TEK: variants seen among roughly 807,000 people sequenced by gnomAD.
TEK encodes the protein TEK receptor tyrosine kinase.
A neutral mutation model predicts 131.8 loss-of-function variants in TEK; 43 were observed. The observed-to-expected ratio is 0.33, with a 90% CI of 0.26 to 0.42. The LOEUF is 0.42. TEK is among the 10% of genes least tolerant of loss of function. TEK has a pLI of 1.00. For synonymous variants in TEK, 580 were observed against 491.6 expected (o/e 1.18, Z -2.38); for missense variants, 1,162 against 1,384.4 (o/e 0.84, Z 2.55).
intron 12 of TEK, among the ~76,000 whole-genome samples, chr9:27,200,470 A>G (rs963482576): frequency 2.6e-5 from 4 of 152,186 alleles, no homozygotes; most frequent in Admixed American, 6.5e-5. Context: ...TGGAGGGTCA[A>G]TGCTGGTGGT....
chr9:27,179,129 C>T (rs1459702845), intron 6 of TEK, among the ~76,000 whole-genome samples: 2 of 152,138 alleles, frequency 1.3e-5, no homozygotes, highest in Non-Finnish European at 2.9e-5. Flanking sequence ...GATTAAAAAT[C>T]ATTTTTTTCC....
In TEK at chr9:27,123,052, C is replaced by CAAAAAAAAAAAAAAA. The variant is rs10700803; in HGVS notation, c.52+13422_52+13436dup. On this transcript the variant is annotated intron_variant, in intron 1 of 22. Coordinates refer to ENST00000380036, the MANE Select transcript of TEK (RefSeq NM_000459.5). ...TGGGTGACAGAGCGAGACTCTGTCT[C>CAAAAAAAAAAAAAAA]AAAAAAAAAAAAAAAAAAAAAAAAA... Among the ~76,000 whole-genome samples, 18 of 34,710 alleles carry CAAAAAAAAAAAAAAA rather than the reference C, an allele frequency of 5.2e-4. 4 individuals are homozygous for CAAAAAAAAAAAAAAA. Among genetic ancestry groups the CAAAAAAAAAAAAAAA allele is most frequent in the African/African-American group, 7.1e-4 (5 of 7,014 alleles). The allele number at this position is 34,710 out of a possible 152,430, so 22.8% of individuals were successfully genotyped here.
intron 16 of TEK, 94 bp downstream of exon 16, chr9:27,209,325 T>C (rs1256731938): frequency 1.1e-6 from 1 of 943,420 alleles, no homozygotes; most frequent in Non-Finnish European, 1.7e-6. Context: ...CTTAAGAATG[T>C]TGCCTATTTT....
chr9:27,152,999 T>G (rs1426796380), intron 1 of TEK, among the ~76,000 whole-genome samples: 1 of 152,220 alleles, frequency 6.6e-6, no homozygotes, highest in South Asian at 2.1e-4. Flanking sequence ...AAAGATTAGA[T>G]ACTGTTCAAT....
At chr9:27,153,223 T>G (rs1047392052) in intron 1 of TEK, among the ~76,000 whole-genome samples, 12 of 151,860 alleles carry the variant, frequency 7.9e-5, no homozygotes, top group African/African-American at 2.4e-4. Flanking sequence ...CCGAGGCGGG[T>G]GGATCACGAC....
intron 2 of TEK, among the ~76,000 whole-genome samples, chr9:27,159,584 A>G (rs1199378738): frequency 2.0e-5 from 3 of 152,212 alleles, no homozygotes; most frequent in Admixed American, 1.3e-4. Flanking sequence ...AGCCTCCTCT[A>G]AGGGAGGATT....
rs1012897138 is a variant in TEK, at chr9:27,172,580, CT to C, written c.629-35del. 5.0e-6 allele frequency: 8 copies of C among 1,612,016 alleles called. No individual in the cohort carries two copies. The Middle Eastern group carries it at 4.9e-4, about 100-fold the overall frequency. ...AATAAAGATGTGTTGAGCGAATGCG[CT>C]CTACTCACCACAGCCTTGTTTTCCT... On this transcript the variant is annotated intron_variant, in intron 4 of 22. Transcript: ENST00000380036.
intron 18 of TEK, among the ~76,000 whole-genome samples, chr9:27,214,502 C>T (rs934840348): frequency 6.6e-6 from 1 of 152,198 alleles, no homozygotes; most frequent in Non-Finnish European, 1.5e-5. Context: ...TGTCTCTTAG[C>T]AAGGCTCAGG....
In TEK at chr9:27,212,888, C is replaced by T. The variant is rs113493000; in HGVS notation, c.2868C>T (p.Ser956=). The part of the protein sequence containing the change: ...ADVARGMDYL[S]QKQFIHRDLA... Reference sequence around the variant, plus strand: ...TGGCCCGGGGCATGGACTACTTGAGCCAAAAACAGGTTTGTCCGGAGGACT... The same window carrying T: ...TGGCCCGGGGCATGGACTACTTGAGTCAAAAACAGGTTTGTCCGGAGGACT... Residue 956 remains serine (S), a synonymous_variant, in exon 17 of 23, where the codon AGC becomes AGT. Transcript: ENST00000380036. The T allele has an allele frequency of 4.3e-6, 7 of 1,613,788 alleles. No individual in the cohort carries two copies. The highest frequency in any genetic ancestry group is 5.1e-6 in the Non-Finnish European group (6 of 1,179,982).
intron 12 of TEK, 73 bp downstream of exon 12, chr9:27,197,672 AC>A: frequency 6.3e-7 from 1 of 1,578,790 alleles, no homozygotes; most frequent in Non-Finnish European, 8.7e-7. Context: ...AGCTAACATC[AC>A]TGCAGGACTA....
intron 16 of TEK, 125 bp downstream of exon 16, chr9:27,209,356 T>G (rs1351895122): frequency 1.1e-5 from 8 of 745,178 alleles, no homozygotes; most frequent in Non-Finnish European, 1.9e-5. Flanking sequence ...GCATCTTCTA[T>G]CTGAATGTCT....
At chr9:27,226,939 G>C (rs781693075) in intron 21 of TEK, among the ~76,000 whole-genome samples, 2 of 152,136 alleles carry the variant, frequency 1.3e-5, no homozygotes, top group Non-Finnish European at 2.9e-5. Context: ...ACTTCTAAGA[G>C]TGAAGGAGGG....
intron 1 of TEK, among the ~76,000 whole-genome samples, chr9:27,112,345 T>C (rs28434215): frequency 0.11 from 16,359 of 152,184 alleles, 1,553 homozygotes; most frequent in East Asian, 0.5. Flanking sequence ...TAGTGTCAAG[T>C]CTGAGTAATC....
At chr9:27,122,183 A>G (rs1040402021) in intron 1 of TEK, among the ~76,000 whole-genome samples, 1 of 152,186 alleles carries the variant, frequency 6.6e-6, no homozygotes, top group Non-Finnish European at 1.5e-5. Flanking sequence ...TCTGCTAGGC[A>G]TTGGAGTTCC....
chr9:27,191,170 A>C (rs990586488), intron 10 of TEK, among the ~76,000 whole-genome samples: 1 of 151,956 alleles, frequency 6.6e-6, no homozygotes, highest in Non-Finnish European at 1.5e-5. Flanking sequence ...CTCTTAACAC[A>C]GAGAGATTTT....
At chr9:27,170,089 G>A (rs1407472546) in intron 4 of TEK, among the ~76,000 whole-genome samples, 1 of 152,130 alleles carries the variant, frequency 6.6e-6, no homozygotes, top group Non-Finnish European at 1.5e-5. Context: ...CATGGCGGCA[G>A]GAGAGAGAAG....
intron 21 of TEK, among the ~76,000 whole-genome samples, chr9:27,222,189 A>G (rs1826112029): frequency 6.6e-6 from 1 of 152,168 alleles, no homozygotes; most frequent in South Asian, 2.1e-4. Context: ...AGAAAAAATA[A>G]TGAAAAGGAA....
chr9:27,228,220 G>A lies in TEK; in HGVS notation c.3215G>A (p.Arg1072Lys), dbSNP rs1320314975. The A allele has an allele frequency of 1.9e-6, 3 of 1,612,742 alleles. No individual in the cohort carries two copies. The highest frequency in any genetic ancestry group is 2.5e-6 in the Non-Finnish European group (3 of 1,179,074). ...TGCTTTCGAAGGTATGATCTAATGA[G>A]ACAATGCTGGCGGGAGAAGCCTTAT... Reference protein sequence around the residue: ...NCDDEVYDLMRQCWREKPYER... With the variant: ...NCDDEVYDLMKQCWREKPYER... The change falls in exon 22 of 23, where the codon AGA (arginine) becomes AAA (lysine). Residue 1072 changes from arginine to lysine, a missense_variant. Arg to Lys is a conservative substitution (Grantham distance 26). Coordinates refer to ENST00000380036, the MANE Select transcript of TEK (RefSeq NM_000459.5).
intron 1 of TEK, among the ~76,000 whole-genome samples, chr9:27,138,148 G>A (rs1244304552): frequency 2.0e-5 from 3 of 152,346 alleles, no homozygotes; most frequent in African/African-American, 7.2e-5. Flanking sequence ...GCTCATAAAG[G>A]TAGTGCAGAC....
Sources: gnomAD v4.1 joint callset for allele counts (sites outside exome capture counted in the v4.1 genomes callset) on GRCh38, gnomAD v4.1.1 for gene constraint, MANE v1.5 for transcripts, NCBI Gene and HGNC (gene_info 2026-07-23, HGNC 2026-07-21) for gene names.